The following RELT variants were observed in gnomAD, a reference collection of about 807,000 sequenced individuals.
RELT encodes the protein RELT TNF receptor, also known as tumor necrosis factor receptor superfamily member 19L.
A neutral mutation model predicts 51.1 loss-of-function variants in RELT; 37 were observed. The observed-to-expected ratio is 0.72, with a 90% confidence interval of 0.56 to 0.95. RELT has a LOEUF of 0.95. Ranked by LOEUF, RELT falls within the 40% of genes least tolerant of loss-of-function variation. The pLI is 0.00. For missense variants in RELT, 535 were observed against 572.6 expected, an observed-to-expected ratio of 0.93 and a Z score of 0.67; for synonymous variants, 241 against 235.7, an observed-to-expected ratio of 1.02 and a Z score of -0.21.
intron 1 of RELT, among the ~76,000 whole-genome samples, chr11:73,387,101 C>T (rs1240755595): frequency 2.0e-5 from 3 of 152,116 alleles, no homozygotes; most frequent in African/African-American, 7.2e-5. Context: ...TGTACCACCA[C>T]ACTGGGCTAA....
chr11:73,393,214 G>A (rs1565223573), intron 6 of RELT: 1 of 1,000,570 alleles, frequency 1.0e-6, no homozygotes, highest in Non-Finnish European at 1.2e-6. Context: ...CAGTAAGCCG[G>A]CAGGAGGAAA....
At position 73,376,401 on chromosome 11, in the gene RELT, A is replaced by G. The variant is rs1322805706; in HGVS notation, c.-124A>G. The G allele has an allele frequency of 1.3e-5, 2 of 151,752 alleles. No individual in the cohort carries two copies. Among genetic ancestry groups the G allele is most frequent in the Non-Finnish European group, 2.9e-5 (2 of 67,874 alleles). The allele number at this position is 151,752 out of a possible 1,614,324, so 9.4% of individuals were successfully genotyped here. The stretch of plus-strand genomic sequence containing the variant: ...CCGGCCCAGCCGGCGATTCATTCAA[A>G]AGGCGCGCAGGCTGCGCGGCTGTCC... On this transcript the variant is annotated 5_prime_UTR_variant, in exon 1 of 11. Transcript: ENST00000064780.
intron 1 of RELT, among the ~76,000 whole-genome samples, chr11:73,387,080 G>A (rs1417143926): frequency 6.6e-6 from 1 of 152,104 alleles, no homozygotes; most frequent in Admixed American, 6.5e-5. Context: ...CGAGTAGCTG[G>A]GATTACAAGT....
chr11:73,383,967 C>G (rs1293299568), intron 1 of RELT, among the ~76,000 whole-genome samples: 1 of 152,196 alleles, frequency 6.6e-6, no homozygotes, highest in African/African-American at 2.4e-5. Context: ...TGGCCACCGC[C>G]AAGGGAGGCC....
Position 73,394,143 on chromosome 11 carries a change from A to C in RELT, c.707-93A>C. The C allele has an allele frequency of 8.7e-7, 1 of 1,144,972 alleles. No individual in the cohort carries two copies. The highest frequency in any genetic ancestry group is 1.3e-6 in the Non-Finnish European group (1 of 790,988). 70.9% of individuals were successfully genotyped at this position (1,144,972 alleles called of 1,614,324 possible). ...CACAGCCCAGGCTGGGAGTGGTGGT[A>C]TGGAGGGTAGGTGGGGGGTTCTCTG... On this transcript the variant is annotated intron_variant, in intron 7 of 10. Transcript: ENST00000064780. The surrounding 1 kb of genome is among the most constrained non-coding windows in gnomAD (Gnocchi z 4.9).
At chr11:73,382,779 G>C (rs1866069152) in intron 1 of RELT, among the ~76,000 whole-genome samples, 1 of 152,182 alleles carries the variant, frequency 6.6e-6, no homozygotes, top group African/African-American at 2.4e-5. Context: ...AGGCAGTAGT[G>C]CTCAGTGAGG....
intron 1 of RELT, among the ~76,000 whole-genome samples, chr11:73,378,087 G>A (rs1463899869): frequency 6.6e-6 from 1 of 152,226 alleles, no homozygotes; most frequent in Non-Finnish European, 1.5e-5. Flanking sequence ...AGAGTGGGGA[G>A]AGACTTGTTC....
chr11:73,393,313 C>G, intron 6 of RELT: 2 of 1,035,348 alleles, frequency 1.9e-6, no homozygotes, highest in Non-Finnish European at 2.3e-6. Flanking sequence ...GGGTGCAAGT[C>G]CTGGGAGCTC....
At chr11:73,379,124 G>A (rs752195737) in intron 1 of RELT, among the ~76,000 whole-genome samples, 1 of 152,140 alleles carries the variant, frequency 6.6e-6, no homozygotes, top group East Asian at 1.9e-4. Flanking sequence ...GGTGTCCCTC[G>A]GTCCTCTCTG....
rs533951608 is a variant in RELT at position 73,394,029 on chromosome 11, A to G, written c.706+112A>G. ...CTTGCCCTGCTCTGCCTTCCCTGCC[A>G]GGGTGCCTCAAGCAGCCTGGTGCTC... On this transcript the variant is annotated intron_variant, in intron 7 of 10. Coordinates refer to ENST00000064780, the MANE Select transcript of RELT (RefSeq NM_152222.2). This position sits in a 1 kb window ranked among gnomAD's most constrained non-coding sequence, Gnocchi z 4.9. The G allele has an allele frequency of 5.5e-4, 633 of 1,157,500 alleles. 3 individuals are homozygous for G. The African/African-American group carries it at 8.9e-3, about 16-fold the overall frequency. The allele number at this position is 1,157,500 out of a possible 1,614,324, so 71.7% of individuals were successfully genotyped here. A position where few individuals can be genotyped will look rare whatever the true frequency, so the allele number is the denominator to read the frequency against.
At position 73,394,414 on chromosome 11, in the gene RELT, TC is replaced by T. The variant is rs1866271882; in HGVS notation, c.789-60del. On this transcript the variant is annotated intron_variant, in intron 8 of 10. Coordinates refer to ENST00000064780, the MANE Select transcript of RELT (RefSeq NM_152222.2). This position sits in a 1 kb window ranked among gnomAD's most constrained non-coding sequence, Gnocchi z 4.9. Reference sequence around the variant, plus strand: ...TTGGGTCTCCCTCAAGTCACCCTGTTCCCTGCTGGGGTCTCCTGCCCCTGGC... The same window carrying T: ...TTGGGTCTCCCTCAAGTCACCCTGTTCCTGCTGGGGTCTCCTGCCCCTGGC... 6.2e-7 allele frequency: 1 copy of T among 1,609,222 alleles called. No homozygotes were observed. Among genetic ancestry groups the T allele is most frequent in the Non-Finnish European group, 8.5e-7 (1 of 1,176,746 alleles).
chr11:73,379,349 G>A (rs1396916415), intron 1 of RELT, among the ~76,000 whole-genome samples: 1 of 152,196 alleles, frequency 6.6e-6, no homozygotes, highest in Non-Finnish European at 1.5e-5. Context: ...ACCTTTCTGG[G>A]AACTTGGGCC....
intron 1 of RELT, among the ~76,000 whole-genome samples, chr11:73,383,151 T>C (rs1343408989): frequency 6.6e-6 from 1 of 152,128 alleles, no homozygotes; most frequent in African/African-American, 2.4e-5. Context: ...GGGACTGGTT[T>C]ATACCCCATC....
chr11:73,395,328 C>T, intron 10 of RELT, 43 bp downstream of exon 10: 1 of 1,606,694 alleles, frequency 6.2e-7, no homozygotes, highest in Non-Finnish European at 8.5e-7. Context: ...CCTGGGCCAA[C>T]CCTGACCGAA....
At chr11:73,389,342 C>T (rs1013255035) in intron 2 of RELT, among the ~76,000 whole-genome samples, 161 bp downstream of exon 2, 2 of 152,234 alleles carry the variant, frequency 1.3e-5, no homozygotes, top group African/African-American at 2.4e-5. Context: ...GGAAGCACCT[C>T]TGGGCCCACC....
chr11:73,396,093 T>C lies in RELT; in HGVS notation c.*602T>C, dbSNP rs145619290. ...CAGGGCCTCTTCAGCTCTTTGTAGG[T>C]TCTGGGCTGGGTTGTGGGGGACTGG... On this transcript the variant is annotated 3_prime_UTR_variant, in exon 11 of 11. Coordinates refer to ENST00000064780, the MANE Select transcript of RELT (RefSeq NM_152222.2). 6.9e-3 allele frequency: 1,057 copies of C among 153,824 alleles called. 10 individuals carry two copies. The highest frequency in any genetic ancestry group is 0.022 in the African/African-American group (922 of 41,578). 9.5% of individuals were successfully genotyped at this position (153,824 alleles called of 1,614,324 possible). A position where few individuals can be genotyped will look rare whatever the true frequency, so the allele number is the denominator to read the frequency against.
In RELT at chr11:73,389,060, G is replaced by C. The variant is rs1012243304; in HGVS notation, c.-25-52G>C. 15 of 924,576 alleles carry C rather than the reference G, an allele frequency of 1.6e-5. No individual in the cohort carries two copies. The African/African-American group carries it at 2.3e-4, about 14-fold the overall frequency. 57.3% of individuals were successfully genotyped at this position (924,576 alleles called of 1,614,324 possible). A position where few individuals can be genotyped will look rare whatever the true frequency, so the allele number is the denominator to read the frequency against. On this transcript the variant is annotated intron_variant, in intron 1 of 10. Transcript: ENST00000064780. ...TGGAAGTGGTGCTGAGGGGACAGCA[G>C]CTGCCTGCCTGTCCCTGCCGCTCTG...
At chr11:73,377,567 T>TC (rs372371974) in intron 1 of RELT, among the ~76,000 whole-genome samples, 3 of 138,892 alleles carry the variant, frequency 2.2e-5, no homozygotes, top group African/African-American at 5.4e-5. Context: ...AGTCTCAGCT[T>TC]CCCCCCGCCC....
At chr11:73,379,787 C>T (rs1866023357) in intron 1 of RELT, among the ~76,000 whole-genome samples, 2 of 152,348 alleles carry the variant, frequency 1.3e-5, no homozygotes, top group South Asian at 4.1e-4. Context: ...CGTCGGCTCT[C>T]CCGCACACTG....
Sources: allele counts gnomAD v4.1 joint callset (sites outside exome capture counted in the v4.1 genomes callset), GRCh38; gene constraint gnomAD v4.1.1; non-coding constraint Gnocchi (gnomAD v3.1); transcripts MANE v1.5; gene names NCBI Gene and HGNC (gene_info 2026-07-23, HGNC 2026-07-21).